Variants in CDH18 observed in about 807,000 individuals in gnomAD.
The protein encoded by CDH18 is cadherin 18.
Under a neutral mutation model 67.9 loss-of-function variants are expected in CDH18, and 31 were observed. The ratio of observed to expected loss-of-function variants is 0.46; its 90% CI spans 0.34 to 0.62. CDH18 has a LOEUF of 0.62. Among genes scored for constraint, CDH18 ranks in the 20% least tolerant of loss-of-function variants. The pLI is 0.01. For missense variants in CDH18, 890 were observed against 975.5 expected, an observed-to-expected ratio of 0.91 and a Z score of 1.17; for synonymous variants, 362 against 347.2, an observed-to-expected ratio of 1.04 and a Z score of -0.48.
intron 1 of CDH18, among the ~76,000 whole-genome samples, chr5:20,562,730 T>C (rs1252019471): frequency 6.6e-6 from 1 of 151,858 alleles, no homozygotes; most frequent in Non-Finnish European, 1.5e-5. Context: ...CGTTGTGGAA[T>C]AAAACATTAT....
At chr5:19,544,523 T>C (rs146291015) in intron 8 of CDH18, among the ~76,000 whole-genome samples, 2,245 of 151,642 alleles carry the variant, frequency 0.015, 54 homozygotes, top group African/African-American at 0.052. Flanking sequence ...TAAACCCTTG[T>C]TTAGTCAAAG....
At chr5:20,099,090 T>A (rs942060423) in intron 2 of CDH18, among the ~76,000 whole-genome samples, 1 of 152,188 alleles carries the variant, frequency 6.6e-6, no homozygotes, top group African/African-American at 2.4e-5. Context: ...ATTTAGACAC[T>A]TGCAAAGATG....
intron 2 of CDH18, among the ~76,000 whole-genome samples, chr5:20,169,265 T>C (rs1040698684): frequency 6.6e-6 from 1 of 152,022 alleles, no homozygotes; most frequent in Admixed American, 6.6e-5. Flanking sequence ...TATACACCTA[T>C]TATGTACCCA....
intron 1 of CDH18, among the ~76,000 whole-genome samples, chr5:20,335,099 T>A (rs543673498): frequency 2.6e-4 from 40 of 152,246 alleles, no homozygotes; most frequent in Admixed American, 5.9e-4. Context: ...TGTCATCACA[T>A]CATACAGAGT....
At chr5:20,366,770 G>A (rs1359286568) in intron 1 of CDH18, among the ~76,000 whole-genome samples, 2 of 152,158 alleles carry the variant, frequency 1.3e-5, no homozygotes, top group Non-Finnish European at 2.9e-5. Flanking sequence ...TTATTTCATG[G>A]AGTCCATGTG....
At chr5:19,960,584 T>TGTGTATATATATATATACACAC (rs1796706797) in intron 2 of CDH18, among the ~76,000 whole-genome samples, 1 of 123,460 alleles carries the variant, frequency 8.1e-6, no homozygotes, top group Non-Finnish European at 1.5e-5. Flanking sequence ...TGTGTGTGTG[T>TGTGTATATATATATATACACAC]GTGTGTATAT....
At position 19,782,319 on chromosome 5, in the gene CDH18, G is replaced by A. The variant is rs114157585; in HGVS notation, c.229-35083C>T. On this transcript the variant is annotated intron_variant, in intron 3 of 12. Coordinates refer to ENST00000382275, the MANE Select transcript of CDH18 (RefSeq NM_004934.5). ...AGACCCACTCATTATCATGAGGGGA[G>A]CATGGGAGAAAACAGCCCCATGATT... Among the ~76,000 whole-genome samples the A allele has an allele frequency of 3.6e-3, 543 of 152,234 alleles. 1 individual carries two copies. Among genetic ancestry groups the A allele is most frequent in the African/African-American group, 0.013 (524 of 41,558 alleles).
In CDH18 at chr5:19,982,671, A is replaced by C. The variant is rs1019200250; in HGVS notation, c.-375-1493T>G. 3.9e-5 allele frequency among the ~76,000 whole-genome samples: 6 copies of C among 152,254 alleles called. No homozygotes were observed. The Middle Eastern group carries it at 0.02, about 518-fold the overall frequency. On this transcript the variant is annotated intron_variant, in intron 1 of 12. Coordinates refer to ENST00000382275, the MANE Select transcript of CDH18 (RefSeq NM_004934.5). ...TTTTAAAATCGATATATTGATTTTCACTTCCACCAGGCAGGAGTAAATACA... is the reference window on the plus strand; with the variant it reads ...TTTTAAAATCGATATATTGATTTTCCCTTCCACCAGGCAGGAGTAAATACA...
chr5:20,112,657 T>C (rs1036338571), intron 2 of CDH18, among the ~76,000 whole-genome samples: 3 of 152,202 alleles, frequency 2.0e-5, no homozygotes, highest in Admixed American at 2.0e-4. Context: ...GAGGTTGCAG[T>C]GAGCTGAGAT....
At chr5:20,154,135 G>A (rs1279106648) in intron 2 of CDH18, among the ~76,000 whole-genome samples, 1 of 152,132 alleles carries the variant, frequency 6.6e-6, no homozygotes, top group African/African-American at 2.4e-5. Flanking sequence ...CTTGGAGAGA[G>A]TTGGCTTTCT....
chr5:19,706,048 G>A (rs1024618312), intron 5 of CDH18, among the ~76,000 whole-genome samples: 6 of 152,134 alleles, frequency 3.9e-5, no homozygotes, highest in Non-Finnish European at 8.8e-5. Flanking sequence ...AGCTCCAAAA[G>A]TGGAGCTCGT....
At chr5:19,742,080 C>A (rs895690266) in intron 4 of CDH18, among the ~76,000 whole-genome samples, 2 of 152,120 alleles carry the variant, frequency 1.3e-5, no homozygotes, top group African/African-American at 4.8e-5. Flanking sequence ...GAAACCACTT[C>A]AGTTTATTTT....
At chr5:20,308,079 C>CTT (rs759117114) in intron 1 of CDH18, among the ~76,000 whole-genome samples, 1,887 of 85,354 alleles carry the variant, frequency 0.022, 139 homozygotes, top group African/African-American at 0.088. Flanking sequence ...AATACTACTG[C>CTT]TTTTTTTTTT....
chr5:20,390,983 G>A (rs1268224447), intron 1 of CDH18, among the ~76,000 whole-genome samples: 1 of 151,974 alleles, frequency 6.6e-6, no homozygotes, highest in African/African-American at 2.4e-5. Context: ...GGGGCCTGTT[G>A]TGGGGTGGGG....
At chr5:20,454,732 A>G (rs1486876505) in intron 1 of CDH18, among the ~76,000 whole-genome samples, 3 of 152,098 alleles carry the variant, frequency 2.0e-5, no homozygotes, top group Non-Finnish European at 4.4e-5. Flanking sequence ...CCAGAAGTTC[A>G]TGTTCATGTC....
At chr5:20,173,246 T>C (rs1415737030) in intron 2 of CDH18, among the ~76,000 whole-genome samples, 1 of 152,124 alleles carries the variant, frequency 6.6e-6, no homozygotes, top group Admixed American at 6.6e-5. Context: ...TAATAACAGA[T>C]TGTGACAATT....
intron 5 of CDH18, among the ~76,000 whole-genome samples, chr5:19,654,465 C>A (rs769852233): frequency 6.6e-6 from 1 of 152,150 alleles, no homozygotes; most frequent in Non-Finnish European, 1.5e-5. Flanking sequence ...AGACGTGTGG[C>A]TCATCTGTTT....
At chr5:20,521,676 G>A (rs1228935923) in intron 1 of CDH18, among the ~76,000 whole-genome samples, 1 of 152,030 alleles carries the variant, frequency 6.6e-6, no homozygotes, top group African/African-American at 2.4e-5. Context: ...TGGCAAATGC[G>A]TTTGTAGGCT....
At chr5:19,772,506 G>T (rs1561269431) in intron 3 of CDH18, among the ~76,000 whole-genome samples, 2 of 151,522 alleles carry the variant, frequency 1.3e-5, no homozygotes, top group Non-Finnish European at 2.9e-5. Flanking sequence ...TCTAAAAGCT[G>T]AAAAAAAACA....
Sources: gnomAD v4.1 joint callset for allele counts (sites outside exome capture counted in the v4.1 genomes callset) on GRCh38, gnomAD v4.1.1 for gene constraint, MANE v1.5 for transcripts, NCBI Gene and HGNC (gene_info 2026-07-23, HGNC 2026-07-21) for gene names.